CLASP1: variants seen among roughly 807,000 people sequenced by gnomAD.
CLASP1 encodes the protein cytoplasmic linker associated protein 1, also known as CLIP-associating protein 1.
Under a neutral mutation model 192.3 loss-of-function variants are expected in CLASP1, and 38 were observed. The ratio of observed to expected loss-of-function variants is 0.20; its 90% CI spans 0.15 to 0.26. CLASP1 has a LOEUF of 0.26. Ranked by LOEUF, CLASP1 falls within the 10% of genes least tolerant of loss-of-function variation. The probability of loss-of-function intolerance (pLI) is 1.00; values close to 1 mark genes in which losing one functional copy is unlikely to be tolerated. For missense variants in CLASP1, 1,433 were observed against 1,932.5 expected (o/e 0.74, Z 4.85); for synonymous variants, 691 against 712.8 (o/e 0.97, Z 0.49).
chr2:121,474,999 C>T (rs1397283114), intron 8 of CLASP1, among the ~76,000 whole-genome samples: 6 of 152,124 alleles, frequency 3.9e-5, no homozygotes, highest in Non-Finnish European at 8.8e-5. Flanking sequence ...AACACATGCA[C>T]ATAAAAACCC....
intron 2 of CLASP1, among the ~76,000 whole-genome samples, chr2:121,605,116 G>GCCCCAA (rs2064257472): frequency 6.7e-6 from 1 of 148,584 alleles, no homozygotes; most frequent in Non-Finnish European, 1.5e-5. Context: ...ATGGGACCTG[G>GCCCCAA]CCCCCACCCC....
chr2:121,397,271 T>C (rs745781521), exon 30 of CLASP1: 9 of 1,613,642 alleles, frequency 5.6e-6, no homozygotes, highest in Middle Eastern at 3.3e-4. Flanking sequence ...TATTTCAGGA[T>C]TGCAACTTTG....
At chr2:121,438,820 G>C (rs2082760889) in intron 19 of CLASP1, among the ~76,000 whole-genome samples, 1 of 150,370 alleles carries the variant, frequency 6.7e-6, no homozygotes, top group South Asian at 2.1e-4. Context: ...GCCTGGCTTT[G>C]GTATCAGAAT....
At chr2:121,626,730 CA>C (rs2068448449) in intron 1 of CLASP1, among the ~76,000 whole-genome samples, 1 of 152,136 alleles carries the variant, frequency 6.6e-6, no homozygotes, top group Non-Finnish European at 1.5e-5. Flanking sequence ...TGGCCAGAAC[CA>C]AGATTTGAAC....
At chr2:121,432,363 C>T (rs2081583020) in intron 19 of CLASP1, among the ~76,000 whole-genome samples, 1 of 152,210 alleles carries the variant, frequency 6.6e-6, no homozygotes, top group Non-Finnish European at 1.5e-5. Context: ...AAGTGATCCA[C>T]CCGCCCTGGC....
intron 8 of CLASP1, among the ~76,000 whole-genome samples, chr2:121,501,174 A>C (rs1180494620): frequency 6.6e-6 from 1 of 152,200 alleles, no homozygotes; most frequent in African/African-American, 2.4e-5. Flanking sequence ...CTGGCTTATG[A>C]AGCACAAACT....
chr2:121,636,028 C>G (rs1017443365), intron 1 of CLASP1, among the ~76,000 whole-genome samples: 8 of 152,002 alleles, frequency 5.3e-5, no homozygotes, highest in Non-Finnish European at 1.0e-4. Context: ...ATTATGAGAC[C>G]TTGTTTCTAA....
chr2:121,385,382 T>C (rs1418725336), intron 32 of CLASP1, among the ~76,000 whole-genome samples: 3 of 152,278 alleles, frequency 2.0e-5, no homozygotes, highest in East Asian at 1.9e-4. Context: ...AGAAAATATT[T>C]AGACCACACA....
At chr2:121,501,732 GACTTGCATGCTATT>G (rs1311102098) in intron 8 of CLASP1, among the ~76,000 whole-genome samples, 2 of 152,142 alleles carry the variant, frequency 1.3e-5, no homozygotes. Flanking sequence ...TGAGTCAAAA[GACTTGCATGCTATT>G]ACCTGCTCTG....
chr2:121,558,597 C>T (rs1246071969), intron 2 of CLASP1, among the ~76,000 whole-genome samples: 1 of 152,140 alleles, frequency 6.6e-6, no homozygotes. Context: ...ATGTAATAAC[C>T]CGCACCACCT....
At chr2:121,554,715 C>A (rs1228949948) in intron 2 of CLASP1, among the ~76,000 whole-genome samples, 10 of 152,134 alleles carry the variant, frequency 6.6e-5, no homozygotes, top group Non-Finnish European at 4.4e-5. Flanking sequence ...AACAGACACA[C>A]CATTGCCTAG....
At chr2:121,526,015 A>T in intron 5 of CLASP1, 95 bp from the exon 6 acceptor site, 3 of 815,810 alleles carry the variant, frequency 3.7e-6, no homozygotes, top group Non-Finnish European at 6.2e-6. Context: ...TGTCTCCCCA[A>T]TCCCCATCAC....
chr2:121,457,068 A>G (rs950169608), intron 14 of CLASP1, among the ~76,000 whole-genome samples: 1 of 152,180 alleles, frequency 6.6e-6, no homozygotes, highest in Non-Finnish European at 1.5e-5. Flanking sequence ...TTTATTCCTC[A>G]CACGTAGTTT....
chr2:121,504,412 G>A (rs1010830801), intron 7 of CLASP1, among the ~76,000 whole-genome samples: 4 of 152,104 alleles, frequency 2.6e-5, no homozygotes, highest in African/African-American at 4.8e-5. Flanking sequence ...CTTCTCAAGC[G>A]AATGGAAGCT....
At chr2:121,454,223 T>A (rs1165279833) in intron 14 of CLASP1, among the ~76,000 whole-genome samples, 3 of 151,652 alleles carry the variant, frequency 2.0e-5, no homozygotes, top group Non-Finnish European at 2.9e-5. Context: ...ATGGGACCTT[T>A]GGGAAGTGAC....
At chr2:121,624,709 G>A (rs923688796) in intron 1 of CLASP1, among the ~76,000 whole-genome samples, 5 of 152,180 alleles carry the variant, frequency 3.3e-5, no homozygotes, top group South Asian at 2.1e-4. Context: ...GAGCCAGTGC[G>A]CCCAGCCCAG....
chr2:121,435,189 C>T (rs2082095604), intron 19 of CLASP1, among the ~76,000 whole-genome samples: 2 of 152,200 alleles, frequency 1.3e-5, no homozygotes, highest in Admixed American at 6.5e-5. Flanking sequence ...TATTATATTG[C>T]TAGAGCTTTA....
intron 11 of CLASP1, among the ~76,000 whole-genome samples, chr2:121,460,457 CCCT>C (rs2149872515): frequency 6.6e-6 from 1 of 151,952 alleles, no homozygotes; most frequent in Non-Finnish European, 1.5e-5. Flanking sequence ...TGTGAAAATC[CCCT>C]CCTAAGCTTA....
chr2:121,583,295 A>T (rs923231739), intron 2 of CLASP1, among the ~76,000 whole-genome samples: 1 of 152,228 alleles, frequency 6.6e-6, no homozygotes, highest in Admixed American at 6.5e-5. Context: ...TGTGATTACA[A>T]AGCAAAGTTA....
Sources: allele counts gnomAD v4.1 joint callset (sites outside exome capture counted in the v4.1 genomes callset), GRCh38; gene constraint gnomAD v4.1.1; transcripts MANE v1.5; gene names NCBI Gene and HGNC (gene_info 2026-07-23, HGNC 2026-07-21).